Variants in ACSL4 observed in about 807,000 individuals in gnomAD.
The protein encoded by ACSL4 is long-chain-fatty-acid--CoA ligase 4.
In ACSL4, 9 loss-of-function variants were observed where a neutral mutation model predicts 49.1. The ratio of observed to expected loss-of-function variants is 0.18; its 90% CI spans 0.11 to 0.32. ACSL4 has a LOEUF of 0.32. Ranked by LOEUF, ACSL4 falls within the 10% of genes least tolerant of loss-of-function variation. ACSL4 has a pLI of 1.00. For synonymous variants in ACSL4, 191 were observed against 170.3 expected, an observed-to-expected ratio of 1.12 and a Z score of -0.95; for missense variants, 333 against 493.7, an observed-to-expected ratio of 0.67 and a Z score of 3.08.
At chrX:109,678,912 T>C in intron 6 of ACSL4, among the ~76,000 whole-genome samples, 1 of 112,174 alleles carries the variant, frequency 8.9e-6, no homozygotes, top group African/African-American at 3.2e-5. Context: ...GTGCATTGCC[T>C]CTCCACAGTG....
At chrX:109,669,312 C>T in intron 9 of ACSL4, 139 bp from the exon 10 acceptor site, 1 of 451,434 alleles carries the variant, frequency 2.2e-6, no homozygotes, top group Non-Finnish European at 3.8e-6. Flanking sequence ...TAATTAATTT[C>T]ACTGACTACT....
intron 9 of ACSL4, among the ~76,000 whole-genome samples, chrX:109,672,127 G>A (rs1428810841): frequency 2.9e-5 from 3 of 102,819 alleles, no homozygotes; most frequent in Non-Finnish European, 3.9e-5. Flanking sequence ...CTCAAACATG[G>A]TACAATATTG....
intron 9 of ACSL4, among the ~76,000 whole-genome samples, chrX:109,672,079 T>TA (rs764711316): frequency 0.018 from 665 of 37,376 alleles, 15 homozygotes; most frequent in African/African-American, 0.045. Flanking sequence ...CAATAAATAC[T>TA]AAAAAAAAAA....
Position 109,668,183 on chromosome X carries a change from T to C in ACSL4, c.1233A>G (p.Arg411=). The stretch of plus-strand genomic sequence containing the variant: ...GGCAGCAGAAGCAGACATTCATGAA[T>C]CGGTGTGTCTGAGGAGATAGCGGGG... ...GGAPLSPQTH[R]FMNVCFCCPI... Residue 411 remains arginine, a synonymous_variant, in exon 11 of 16, where the codon CGA becomes CGG. Coordinates refer to ENST00000672401, the MANE Select transcript of ACSL4 (RefSeq NM_001318510.2). 8.3e-7 allele frequency: 1 copy of C among 1,209,522 alleles called. No homozygotes were observed. The highest frequency in any genetic ancestry group is 1.1e-6 in the Non-Finnish European group (1 of 893,473).
At chrX:109,651,764 A>G (rs772292737) in intron 15 of ACSL4, among the ~76,000 whole-genome samples, 1 of 112,114 alleles carries the variant, frequency 8.9e-6, no homozygotes, top group Non-Finnish European at 1.9e-5. Context: ...AGGCAAACAC[A>G]TTATTTCAGT....
intron 15 of ACSL4, among the ~76,000 whole-genome samples, chrX:109,649,615 G>C (rs771109244): frequency 9.0e-5 from 10 of 111,350 alleles, no homozygotes; most frequent in African/African-American, 2.6e-4. Context: ...CATAGGCATG[G>C]GCAAGGACTT....
chrX:109,708,665 G>C (rs1414949655), intron 1 of ACSL4, among the ~76,000 whole-genome samples: 2 of 111,890 alleles, frequency 1.8e-5, no homozygotes, highest in Admixed American at 9.5e-5. Flanking sequence ...GTCAAAACGT[G>C]ACTAACAAAA....
intron 15 of ACSL4, among the ~76,000 whole-genome samples, chrX:109,650,601 C>T (rs371193239): frequency 7.2e-4 from 78 of 108,980 alleles, no homozygotes; most frequent in African/African-American, 2.4e-3. Context: ...GTGGGTGCAG[C>T]GCACCAGCAT....
At chrX:109,651,018 G>A (rs1344242251) in intron 15 of ACSL4, among the ~76,000 whole-genome samples, 2 of 111,896 alleles carry the variant, frequency 1.8e-5, no homozygotes, top group Non-Finnish European at 3.8e-5. Context: ...CTGATGCAAT[G>A]AATATTGTAT....
At position 109,681,006 on chromosome X, in the gene ACSL4, G is replaced by A. The variant is rs1603405154; in HGVS notation, c.647C>T (p.Pro216Leu). 1 of 1,209,985 alleles carries A rather than the reference G, an allele frequency of 8.3e-7. No homozygotes were observed. Among genetic ancestry groups the A allele is most frequent in the East Asian group, 3.0e-5 (1 of 33,805 alleles). ...MQSVEELGSN[P>L]ENLGIPPSRP... ...TTTACTGCTTTACTTACAGTTTTCT[G>A]GGTTAGATCCCAACTCTTCTACTGA... is the stretch of plus-strand genomic sequence containing the variant. The change falls in exon 6 of 16, where the codon CCA becomes CTA. Residue 216 changes from proline (P) to leucine (L), a missense_variant. Pro to Leu is a moderately conservative substitution (Grantham distance 98). Transcript: ENST00000672401.
chrX:109,700,010 A>C (rs149924315), intron 1 of ACSL4, among the ~76,000 whole-genome samples: 2,796 of 107,417 alleles, frequency 0.026, 86 homozygotes, highest in African/African-American at 0.088. Context: ...AAGGTCGAGA[A>C]CAGCCTGACC....
At chrX:109,673,028 C>T (rs1466979921) in intron 9 of ACSL4, among the ~76,000 whole-genome samples, 3 of 111,518 alleles carry the variant, frequency 2.7e-5, no homozygotes, top group African/African-American at 9.8e-5. Flanking sequence ...AGAACATAGC[C>T]CCTCAAGACA....
chrX:109,645,552 T>C (rs1385276861), intron 15 of ACSL4, among the ~76,000 whole-genome samples: 1 of 111,320 alleles, frequency 9.0e-6, no homozygotes, highest in East Asian at 2.8e-4. Context: ...CAAAAGTAGA[T>C]AAAACCACAA....
rs758141582 is a variant in ACSL4, at chrX:109,714,657, C to T, written c.-65-18461G>A. Among the ~76,000 whole-genome samples the T allele has an allele frequency of 1.3e-4, 15 of 111,633 alleles. 3 individuals are homozygous for T. The South Asian group carries it at 1.5e-3, about 11-fold the overall frequency. On this transcript the variant is annotated intron_variant, in intron 1 of 15. Transcript: ENST00000672401. ...TTCTATGTTTAGATATATTTAGATA[C>T]ATAAATACTGAGCACTGTGTTACAA...
intron 1 of ACSL4, 164 bp downstream of exon 1, chrX:109,732,975 G>C (rs1338266588): frequency 6.1e-6 from 2 of 326,120 alleles, no homozygotes; most frequent in East Asian, 2.0e-4. Flanking sequence ...CGGATAGATA[G>C]CCCTGGCTCA....
Position 109,683,107 on chromosome X carries a change from C to T in ACSL4, c.228+29G>A, listed in dbSNP as rs1924307153. On this transcript the variant is annotated intron_variant, in intron 3 of 15. Coordinates refer to ENST00000672401, the MANE Select transcript of ACSL4 (RefSeq NM_001318510.2). ...AACAAATGTGTCTTCCTCTTTAAAA[C>T]ATAAATGAAAAGCACCAAAATACTT... 3 of 1,184,564 alleles carry T rather than the reference C, an allele frequency of 2.5e-6. No individual in the cohort carries two copies. In the East Asian group the frequency reaches 8.9e-5, roughly 35 times the overall value.
intron 2 of ACSL4, chrX:109,695,601 C>A (rs148154328): frequency 9.1e-6 from 1 of 109,846 alleles, no homozygotes; most frequent in East Asian, 2.9e-4. Flanking sequence ...GCCTGTAATC[C>A]CAACTACTCA....
chrX:109,700,207 C>CAAAAA (rs748667601), intron 1 of ACSL4, among the ~76,000 whole-genome samples: 5 of 16,265 alleles, frequency 3.1e-4, no homozygotes, highest in Non-Finnish European at 3.4e-4. Context: ...GACTCCGTCT[C>CAAAAA]AAAAAAAAAA....
chrX:109,695,402 G>A (rs1352926857), intron 2 of ACSL4, among the ~76,000 whole-genome samples: 3 of 108,670 alleles, frequency 2.8e-5, no homozygotes, highest in Admixed American at 9.8e-5. Context: ...AAACTGCTAT[G>A]GATTTAACTC....
Sources: gnomAD v4.1 joint callset for allele counts (sites outside exome capture counted in the v4.1 genomes callset) on GRCh38, gnomAD v4.1.1 for gene constraint, MANE v1.5 for transcripts, NCBI Gene and HGNC (gene_info 2026-07-23, HGNC 2026-07-21) for gene names.